The following ZMYND11 variants were observed in gnomAD, a reference collection of about 807,000 sequenced individuals.
ZMYND11 encodes zinc finger MYND domain-containing protein 11.
ZMYND11 carries 9 observed loss-of-function variants against 84.9 expected under a neutral mutation model. The ratio of observed to expected loss-of-function variants is 0.11; its 90% CI spans 0.06 to 0.18. The LOEUF (loss-of-function observed/expected upper bound fraction) is 0.18, where lower values mean the gene tolerates loss of function less well. Ranked by LOEUF, ZMYND11 falls within the 10% of genes least tolerant of loss-of-function variation. The pLI, the probability that ZMYND11 is intolerant of heterozygous loss-of-function variation, is 1.00. For missense variants in ZMYND11, 409 were observed against 761.0 expected (o/e 0.54, Z 5.44); for synonymous variants, 250 against 244.1 (o/e 1.02, Z -0.23).
intron 1 of ZMYND11, among the ~76,000 whole-genome samples, chr10:169,410 C>A (rs1844757949): frequency 1.3e-5 from 2 of 151,980 alleles, no homozygotes; most frequent in African/African-American, 4.8e-5. Flanking sequence ...ACAAGGCCTA[C>A]TAAAAAGCAA....
At chr10:189,003 G>C (rs1335939596) in intron 2 of ZMYND11, among the ~76,000 whole-genome samples, 1 of 152,196 alleles carries the variant, frequency 6.6e-6, no homozygotes, top group East Asian at 1.9e-4. Context: ...ATTACACTGT[G>C]AGTAGTATGA....
intron 2 of ZMYND11, among the ~76,000 whole-genome samples, chr10:200,817 G>T (rs1276430943): frequency 6.6e-6 from 1 of 151,986 alleles, no homozygotes; most frequent in Admixed American, 6.6e-5. Context: ...TTGTTTTCCT[G>T]TTTTAGTTTC....
chr10:237,007 A>G, intron 5 of ZMYND11, 92 bp downstream of exon 5: 3 of 1,215,686 alleles, frequency 2.5e-6, no homozygotes, highest in Non-Finnish European at 3.5e-6. Context: ...GAAGTAACAA[A>G]TATGTACATA....
intron 1 of ZMYND11, among the ~76,000 whole-genome samples, chr10:170,495 G>A (rs1389822238): frequency 2.0e-5 from 3 of 151,642 alleles, no homozygotes; most frequent in Admixed American, 6.6e-5. Flanking sequence ...CAGTTTATGT[G>A]TAAGTAAAAT....
At chr10:210,133 T>G in intron 3 of ZMYND11, 85 bp downstream of exon 3, 2 of 1,424,248 alleles carry the variant, frequency 1.4e-6, no homozygotes, top group Non-Finnish European at 1.9e-6. Context: ...GAAAATCATT[T>G]TCAGAAGTTT....
At chr10:224,643 G>A (rs1007648259) in intron 4 of ZMYND11, among the ~76,000 whole-genome samples, 1 of 152,168 alleles carries the variant, frequency 6.6e-6, no homozygotes, top group Non-Finnish European at 1.5e-5. Context: ...GTGTTGGTGT[G>A]TGTGTCATTT....
In ZMYND11 at chr10:229,585, C is replaced by G. The variant is rs1948662437; in HGVS notation, c.439-7253C>G. ...GAAGTGGGTAGGTCGAGTTTTCTAC[C>G]ATTAATACTAGCAATTAGTGTGATG... is the stretch of plus-strand genomic sequence containing the variant. On this transcript the variant is annotated intron_variant, in intron 4 of 14. Transcript: ENST00000381604. Among the ~76,000 whole-genome samples the G allele has an allele frequency of 4.6e-5, 7 of 152,032 alleles. 1 individual carries two copies. In the South Asian group the frequency reaches 1.4e-3, roughly 31 times the overall value.
intron 1 of ZMYND11, chr10:148,003 G>T (rs1310955561): frequency 1.3e-5 from 2 of 152,248 alleles, no homozygotes; most frequent in African/African-American, 2.4e-5. Flanking sequence ...ACCGTCCTGG[G>T]GTTATGTCTT....
At chr10:168,803 C>T (rs1338653194) in intron 1 of ZMYND11, among the ~76,000 whole-genome samples, 12 of 152,214 alleles carry the variant, frequency 7.9e-5, no homozygotes, top group African/African-American at 2.9e-4. Flanking sequence ...AACACAAACC[C>T]ACAAGGAAAA....
chr10:151,092 G>A (rs1840226450), intron 1 of ZMYND11, among the ~76,000 whole-genome samples: 1 of 152,030 alleles, frequency 6.6e-6, no homozygotes, highest in Non-Finnish European at 1.5e-5. Context: ...AAGACCAAAG[G>A]TACATAAAAC....
chr10:208,336 G>T (rs1174917028), intron 2 of ZMYND11, among the ~76,000 whole-genome samples: 1 of 152,096 alleles, frequency 6.6e-6, no homozygotes, highest in African/African-American at 2.4e-5. Flanking sequence ...AAAAGAAACT[G>T]CCATCAGAGT....
chr10:206,438 T>G (rs1944188002), intron 2 of ZMYND11, among the ~76,000 whole-genome samples: 1 of 152,232 alleles, frequency 6.6e-6, no homozygotes, highest in African/African-American at 2.4e-5. Flanking sequence ...TCCAGTTGAC[T>G]TTTTTGTGAA....
chr10:198,834 C>T (rs1942408931), intron 2 of ZMYND11, among the ~76,000 whole-genome samples: 1 of 152,136 alleles, frequency 6.6e-6, no homozygotes, highest in South Asian at 2.1e-4. Context: ...TAGAGAGATG[C>T]AGGCGCTAGG....
chr10:218,096 G>A (rs568806284), intron 3 of ZMYND11, among the ~76,000 whole-genome samples: 5 of 152,124 alleles, frequency 3.3e-5, no homozygotes, highest in African/African-American at 7.2e-5. Flanking sequence ...CATGTCTTAC[G>A]CAAGTTTATA....
chr10:173,458 G>A (rs1247584444), intron 1 of ZMYND11, among the ~76,000 whole-genome samples: 1 of 152,144 alleles, frequency 6.6e-6, no homozygotes, highest in Non-Finnish European at 1.5e-5. Context: ...TGAAGAACAT[G>A]TTCTAGAAAT....
chr10:146,795 C>T (rs1838974010), intron 1 of ZMYND11, among the ~76,000 whole-genome samples: 1 of 152,158 alleles, frequency 6.6e-6, no homozygotes, highest in Non-Finnish European at 1.5e-5. Flanking sequence ...GGTGGGTTTT[C>T]CCCATGCTGT....
chr10:208,692 G>A (rs1199741286), intron 2 of ZMYND11, among the ~76,000 whole-genome samples: 1 of 152,082 alleles, frequency 6.6e-6, no homozygotes, highest in Non-Finnish European at 1.5e-5. Context: ...GTTAACAGAA[G>A]GACTAAGACA....
At position 172,738 on chromosome 10, in the gene ZMYND11, A is replaced by C. The variant is rs1845651995; in HGVS notation, c.-19-7256A>C. ...AGCAAGTTATTTCATGGATATCAAC[A>C]AACTGATTCTAAAGTTTATATGCAG... is the stretch of plus-strand genomic sequence containing the variant. On this transcript the variant is annotated intron_variant, in intron 1 of 14. Coordinates refer to ENST00000381604, the MANE Select transcript of ZMYND11 (RefSeq NM_001370100.5). Among the ~76,000 whole-genome samples the C allele has an allele frequency of 2.6e-5, 4 of 152,204 alleles. No individual in the cohort carries two copies. In the South Asian group the frequency reaches 8.3e-4, roughly 31 times the overall value.
At position 247,418 on chromosome 10, in the gene ZMYND11, A is replaced by C. The variant is rs34846683; in HGVS notation, c.1179A>C (p.Pro393=). The C allele has an allele frequency of 2.2e-3, 3,493 of 1,614,170 alleles. 60 individuals are homozygous for C. The South Asian group carries it at 0.024, about 11-fold the overall frequency. The change falls in exon 12 of 15, where the codon CCA becomes CCC. Residue 393 remains proline (P), a synonymous_variant. Coordinates refer to ENST00000381604, the MANE Select transcript of ZMYND11 (RefSeq NM_001370100.5). The part of the protein sequence containing the change: ...SNEQLKVTQE[P]RAKKGRRNQS... ...CACAGCTAAAGGTCACTCAAGAACC[A>C]AGAGCAAAGAAAGGACGACGTAATC...
Sources: allele counts gnomAD v4.1 joint callset (sites outside exome capture counted in the v4.1 genomes callset), GRCh38; gene constraint gnomAD v4.1.1; transcripts MANE v1.5; gene names NCBI Gene and HGNC (gene_info 2026-07-23, HGNC 2026-07-21).